The following POGZ variants were observed in gnomAD, a reference collection of about 807,000 sequenced individuals.
The protein encoded by POGZ is pogo transposable element with ZNF domain.
POGZ carries 17 observed loss-of-function variants against 134.6 expected under a neutral mutation model. That is an observed-to-expected ratio of 0.13 (90% CI 0.09 to 0.19). POGZ has a LOEUF of 0.19. POGZ is among the 10% of genes least tolerant of loss of function. The probability of loss-of-function intolerance (pLI) is 1.00; values close to 1 mark genes in which losing one functional copy is unlikely to be tolerated. For missense variants in POGZ, 1,306 were observed against 1,769.7 expected, an observed-to-expected ratio of 0.74 and a Z score of 4.70; for synonymous variants, 693 against 657.1, an observed-to-expected ratio of 1.05 and a Z score of -0.84.
chr1:151,447,733 A>G lies in POGZ; in HGVS notation c.-1-5528T>C, dbSNP rs1276344040. Reference sequence around the variant, plus strand: ...TCAAACTCCTGGACTCAAGCAACACACCTGCCTCAGATTCCCAAAGTGCTG... The same window carrying G: ...TCAAACTCCTGGACTCAAGCAACACGCCTGCCTCAGATTCCCAAAGTGCTG... On this transcript the variant is annotated intron_variant, in intron 1 of 18. Transcript: ENST00000271715. Among the ~76,000 whole-genome samples the G allele has an allele frequency of 4.3e-5, 6 of 140,190 alleles. No homozygotes were observed. The East Asian group carries it at 1.3e-3, about 30-fold the overall frequency. The allele number at this position is 140,190 out of a possible 152,430, so 92.0% of individuals were successfully genotyped here.
chr1:151,442,108 A>G lies in POGZ; in HGVS notation c.97T>C (p.Tyr33His). 6.2e-7 allele frequency: 1 copy of G among 1,603,962 alleles called. No homozygotes were observed. The highest frequency in any genetic ancestry group is 8.5e-7 in the Non-Finnish European group (1 of 1,170,860). ...GTGGTAGTTTTATCCACTGAATTAT[A>G]ATCTTCAACTACAGAGTCCTCAATG... ...DVIEDSVVED[Y>H]NSVDKTTTVS... Residue 33 changes from tyrosine to histidine, a missense_variant, in exon 2 of 19, where the codon TAT becomes CAT. Around this residue, in one of 10 missense-constraint regions of POGZ, gnomAD observed 541 missense variants for 680.5 expected, o/e 0.80. Transcript: ENST00000271715.
rs761484080 is a variant in POGZ at position 151,424,922 on chromosome 1, C to A, written c.1185+33G>T. 22 of 1,139,020 alleles carry A rather than the reference C, an allele frequency of 1.9e-5. No homozygotes were observed. The South Asian group carries it at 2.3e-4, about 12-fold the overall frequency. The allele number at this position is 1,139,020 out of a possible 1,614,324, so 70.6% of individuals were successfully genotyped here. On this transcript the variant is annotated intron_variant, in intron 8 of 18. Transcript: ENST00000271715. ...ATTAATGAAGGTAAATGGCAGAAGCCACTTAAGCTGGATCACAGGTGATAT... is the reference window on the plus strand; with the variant it reads ...ATTAATGAAGGTAAATGGCAGAAGCAACTTAAGCTGGATCACAGGTGATAT...
At position 151,425,054 on chromosome 1, in the gene POGZ, A is replaced by C; in HGVS notation, c.1086T>G (p.Ser362=). ...CCTGGAGGTCAAATACTGGGATGGA[A>C]GAGGTCACTGAAAGAAGTGAGAAGA... is the stretch of plus-strand genomic sequence containing the variant. The part of the protein sequence containing the change: ...SGPESSMKVT[S]SIPVFDLQDG... The change falls in exon 8 of 19, where the codon TCT becomes TCG. Residue 362 remains serine (S), a synonymous_variant. Transcript: ENST00000271715. 1 of 1,522,046 alleles carries C rather than the reference A, an allele frequency of 6.6e-7. No homozygotes were observed. The highest frequency in any genetic ancestry group is 9.1e-7 in the Non-Finnish European group (1 of 1,102,444). 94.3% of individuals were successfully genotyped at this position (1,522,046 alleles called of 1,614,324 possible).
chr1:151,432,231 C>T (rs972007787), intron 3 of POGZ, among the ~76,000 whole-genome samples: 7 of 152,156 alleles, frequency 4.6e-5, no homozygotes, highest in East Asian at 1.9e-4. Flanking sequence ...CAAAATATGG[C>T]CTCAACTTTT....
chr1:151,449,759 G>C (rs1661781556), intron 1 of POGZ, among the ~76,000 whole-genome samples: 1 of 151,914 alleles, frequency 6.6e-6, no homozygotes, highest in African/African-American at 2.4e-5. Context: ...AGCCAGGCGT[G>C]GTGGCGGCCG....
At chr1:151,445,421 C>G (rs1661122970) in intron 1 of POGZ, among the ~76,000 whole-genome samples, 2 of 150,736 alleles carry the variant, frequency 1.3e-5, no homozygotes. Context: ...ACTCAGGAAG[C>G]TGAGGCAGGA....
intron 10 of POGZ, among the ~76,000 whole-genome samples, chr1:151,413,196 G>A (rs940802903): frequency 6.6e-6 from 1 of 150,826 alleles, no homozygotes; most frequent in Non-Finnish European, 1.5e-5. Flanking sequence ...TGAGTAGCTA[G>A]GACTATCCTT....
chr1:151,450,013 GT>G (rs1661834816), intron 1 of POGZ, among the ~76,000 whole-genome samples: 1 of 144,074 alleles, frequency 6.9e-6, no homozygotes, highest in Admixed American at 7.1e-5. Flanking sequence ...TCACCTACCT[GT>G]GAAACTTGAT....
At chr1:151,419,539 T>C (rs1489945225) in intron 10 of POGZ, among the ~76,000 whole-genome samples, 1 of 151,326 alleles carries the variant, frequency 6.6e-6, no homozygotes, top group African/African-American at 2.4e-5. Flanking sequence ...CATAGTGGCA[T>C]GTGTCTGTAG....
chr1:151,423,398 A>G lies in POGZ; in HGVS notation c.1677T>C (p.Thr559=), dbSNP rs757210805. ...GAGTTTAAGAGTTTCCAAACTTACT[A>G]GTAGATTCATAGGGACTATGAACAT... ...LENVHSPYES[T]TKCKICEWAF... The change falls in exon 10 of 19, where the codon ACT becomes ACC. Residue 559 remains threonine, a splice_region_variant and synonymous_variant. Coordinates refer to ENST00000271715, the MANE Select transcript of POGZ (RefSeq NM_015100.4). 10 of 1,613,762 alleles carry G rather than the reference A, an allele frequency of 6.2e-6. No homozygotes were observed. The highest frequency in any genetic ancestry group is 1.7e-4 in the Middle Eastern group (1 of 6,060).
At chr1:151,418,735 C>G (rs1656246004) in intron 10 of POGZ, among the ~76,000 whole-genome samples, 1 of 151,748 alleles carries the variant, frequency 6.6e-6, no homozygotes, top group Non-Finnish European at 1.5e-5. Flanking sequence ...TTTGAAAAAG[C>G]TACTTTTGGG....
At chr1:151,432,094 G>C (rs1658790587) in intron 3 of POGZ, among the ~76,000 whole-genome samples, 1 of 152,142 alleles carries the variant, frequency 6.6e-6, no homozygotes, top group Admixed American at 6.5e-5. Context: ...GCTTGAACCA[G>C]GGAGGCGGAG....
intron 1 of POGZ, among the ~76,000 whole-genome samples, chr1:151,447,630 C>T (rs1184298967): frequency 6.8e-6 from 1 of 147,824 alleles, no homozygotes; most frequent in African/African-American, 2.5e-5. Flanking sequence ...CAAGAGCCAC[C>T]ATGTCTGGCT....
chr1:151,429,570 G>T (rs757868899), intron 5 of POGZ, 33 bp downstream of exon 5: 28 of 1,140,362 alleles, frequency 2.5e-5, no homozygotes, highest in Middle Eastern at 1.9e-4. Context: ...CTGGATGCCA[G>T]TTTATTCCAA....
chr1:151,450,990 A>C (rs1322983197), intron 1 of POGZ: 1 of 152,016 alleles, frequency 6.6e-6, no homozygotes, highest in Non-Finnish European at 1.5e-5. Context: ...ACTTGAGGTC[A>C]GGAGTTCAAA....
At chr1:151,449,223 C>T (rs1032579616) in intron 1 of POGZ, among the ~76,000 whole-genome samples, 1 of 152,216 alleles carries the variant, frequency 6.6e-6, no homozygotes, top group African/African-American at 2.4e-5. Flanking sequence ...CTGTACCTAG[C>T]TTACATCAAG....
At chr1:151,446,031 C>T (rs1661203566) in intron 1 of POGZ, among the ~76,000 whole-genome samples, 1 of 147,240 alleles carries the variant, frequency 6.8e-6, no homozygotes, top group Non-Finnish European at 1.5e-5. Flanking sequence ...TGATCCATGG[C>T]ATACCGTCTT....
intron 10 of POGZ, among the ~76,000 whole-genome samples, chr1:151,421,713 T>C (rs1364865742): frequency 6.6e-6 from 1 of 152,208 alleles, no homozygotes; most frequent in East Asian, 1.9e-4. Flanking sequence ...GAAGCATCCA[T>C]TTCTGTATCT....
intron 5 of POGZ, 21 bp downstream of exon 5, chr1:151,429,582 T>C (rs1658364170): frequency 6.2e-6 from 8 of 1,280,606 alleles, no homozygotes; most frequent in South Asian, 6.1e-5. Flanking sequence ...TTATTCCAAA[T>C]GGATAGACAT....
Sources: allele counts gnomAD v4.1 joint callset (sites outside exome capture counted in the v4.1 genomes callset), GRCh38; gene constraint gnomAD v4.1.1; regional missense constraint gnomAD v4.1.1; transcripts MANE v1.5; gene names NCBI Gene and HGNC (gene_info 2026-07-23, HGNC 2026-07-21).